DGKB: variants seen among roughly 807,000 people sequenced by gnomAD.
DGKB encodes 90 kDa diacylglycerol kinase.
Under a neutral mutation model 114.3 loss-of-function variants are expected in DGKB, and 67 were observed. The observed-to-expected ratio is 0.59, with a 90% CI of 0.48 to 0.72. The LOEUF (loss-of-function observed/expected upper bound fraction) is 0.72, where lower values mean the gene tolerates loss of function less well. DGKB is among the 30% of genes least tolerant of loss of function. The pLI, the probability that DGKB is intolerant of heterozygous loss-of-function variation, is 0.00. For synonymous variants in DGKB, 398 were observed against 323.1 expected (o/e 1.23, Z -2.49); for missense variants, 907 against 975.2 (o/e 0.93, Z 0.93).
At chr7:14,315,229 G>A (rs374109006) in intron 23 of DGKB, among the ~76,000 whole-genome samples, 4 of 148,500 alleles carry the variant, frequency 2.7e-5, no homozygotes, top group Admixed American at 6.8e-5. Context: ...ATCAACTAAC[G>A]AGCAAAATCA....
At position 14,718,220 on chromosome 7, in the gene DGKB, T is replaced by C. The variant is rs138749926; in HGVS notation, c.466+322A>G. 6.1e-4 allele frequency among the ~76,000 whole-genome samples: 93 copies of C among 152,256 alleles called. No individual in the cohort carries two copies. The East Asian group carries it at 0.017, about 28-fold the overall frequency. ...GGTTTCTTCACACACTAGAAATACA[T>C]GCTTTATGAAAACAACACAAAGGCT... On this transcript the variant is annotated intron_variant, in intron 6 of 25. Coordinates refer to ENST00000402815, the MANE Select transcript of DGKB (RefSeq NM_001350709.2).
chr7:14,628,634 T>A (rs1187697735), intron 14 of DGKB, among the ~76,000 whole-genome samples: 1 of 152,204 alleles, frequency 6.6e-6, no homozygotes, highest in Non-Finnish European at 1.5e-5. Context: ...TCTTTCTATA[T>A]GTTCTCCCAC....
intron 21 of DGKB, among the ~76,000 whole-genome samples, chr7:14,405,585 T>C (rs1363662017): frequency 6.6e-6 from 1 of 152,028 alleles, no homozygotes; most frequent in Non-Finnish European, 1.5e-5. Context: ...TTCTAGGTGT[T>C]GAGGATGCAG....
intron 23 of DGKB, among the ~76,000 whole-genome samples, chr7:14,283,100 A>G (rs534710973): frequency 9.2e-5 from 14 of 151,876 alleles, no homozygotes; most frequent in African/African-American, 3.4e-4. Flanking sequence ...ACATGATTAT[A>G]TATCTAGAAA....
Position 14,452,007 on chromosome 7 carries a change from A to G in DGKB, c.1835+26154T>C, listed in dbSNP as rs1281729848. The stretch of plus-strand genomic sequence containing the variant: ...CTGAAGCCCATCAAGAGAATTTTTG[A>G]CTCTTTTCTGAAGTCATTCAACAAG... On this transcript the variant is annotated intron_variant, in intron 21 of 25. Transcript: ENST00000402815. Among the ~76,000 whole-genome samples the G allele has an allele frequency of 2.0e-5, 3 of 151,854 alleles. No homozygotes were observed. In the East Asian group the frequency reaches 5.8e-4, roughly 29 times the overall value.
chr7:14,737,807 C>T (rs1344756201), intron 4 of DGKB, among the ~76,000 whole-genome samples: 2 of 150,306 alleles, frequency 1.3e-5, no homozygotes, highest in Non-Finnish European at 3.0e-5. Flanking sequence ...AGAATATTGT[C>T]AATTCTAGCC....
intron 20 of DGKB, among the ~76,000 whole-genome samples, chr7:14,511,152 G>A (rs1787923051): frequency 1.3e-5 from 2 of 152,186 alleles, no homozygotes; most frequent in South Asian, 4.1e-4. Flanking sequence ...GTCCTTTGAA[G>A]CTTTGAAGCC....
At chr7:14,720,472 T>TG (rs201154514) in intron 5 of DGKB, among the ~76,000 whole-genome samples, 3,270 of 103,616 alleles carry the variant, frequency 0.032, 60 homozygotes, top group South Asian at 0.066. Context: ...GCCCGGCTGA[T>TG]TTGTGTGTGT....
chr7:14,655,782 G>C (rs1815658883), intron 13 of DGKB, among the ~76,000 whole-genome samples: 1 of 151,596 alleles, frequency 6.6e-6, no homozygotes, highest in Non-Finnish European at 1.5e-5. Context: ...GTCAAGCACA[G>C]AAAGATCAAT....
At chr7:14,493,337 T>C (rs753994510) in intron 20 of DGKB, among the ~76,000 whole-genome samples, 2 of 152,074 alleles carry the variant, frequency 1.3e-5, no homozygotes, top group Non-Finnish European at 2.9e-5. Flanking sequence ...GGTTTTCCCT[T>C]ACATATGTAC....
intron 23 of DGKB, among the ~76,000 whole-genome samples, chr7:14,304,838 A>ACTATTT (rs1804202656): frequency 6.6e-6 from 1 of 152,134 alleles, no homozygotes; most frequent in Non-Finnish European, 1.5e-5. Context: ...TATTCTTGAT[A>ACTATTT]TTGACTATTT....
intron 5 of DGKB, among the ~76,000 whole-genome samples, chr7:14,721,023 T>G (rs989494728): frequency 2.6e-5 from 4 of 152,358 alleles, no homozygotes; most frequent in African/African-American, 9.6e-5. Context: ...GGATAAGCTA[T>G]GACCTAACTC....
intron 20 of DGKB, among the ~76,000 whole-genome samples, chr7:14,573,629 TA>T (rs1265883042): frequency 6.6e-6 from 1 of 152,098 alleles, no homozygotes; most frequent in Non-Finnish European, 1.5e-5. Context: ...AAATCACTAT[TA>T]AAATTATTCC....
chr7:14,944,306 T>G (rs1265454578), intron 1 of DGKB, among the ~76,000 whole-genome samples: 1 of 151,840 alleles, frequency 6.6e-6, no homozygotes, highest in East Asian at 1.9e-4. Context: ...CAATAGCAAG[T>G]AATAGAATTG....
At chr7:14,618,667 G>T (rs1807019187) in intron 15 of DGKB, among the ~76,000 whole-genome samples, 1 of 151,454 alleles carries the variant, frequency 6.6e-6, no homozygotes, top group African/African-American at 2.4e-5. Context: ...AGTCCCCTAG[G>T]ACTTGGGTTA....
chr7:14,769,901 C>T (rs138506756), intron 2 of DGKB, among the ~76,000 whole-genome samples: 53 of 152,112 alleles, frequency 3.5e-4, no homozygotes, highest in African/African-American at 8.0e-4. Flanking sequence ...ATAATCTCAT[C>T]GTGATATATT....
At chr7:14,706,091 C>T (rs1286931177) in intron 6 of DGKB, among the ~76,000 whole-genome samples, 4 of 145,550 alleles carry the variant, frequency 2.7e-5, no homozygotes, top group African/African-American at 5.2e-5. Flanking sequence ...CAGAGACACA[C>T]ATAGGCTCAA....
chr7:14,655,365 T>C (rs896364700), intron 13 of DGKB, among the ~76,000 whole-genome samples: 1 of 151,770 alleles, frequency 6.6e-6, no homozygotes, highest in African/African-American at 2.4e-5. Flanking sequence ...AGAATGGCTA[T>C]TATCAAAAAG....
intron 21 of DGKB, among the ~76,000 whole-genome samples, chr7:14,398,347 A>T (rs1404006838): frequency 6.6e-6 from 1 of 152,082 alleles, no homozygotes; most frequent in East Asian, 1.9e-4. Flanking sequence ...TTAGAAAAAC[A>T]GACACTTTAT....
Sources: allele counts gnomAD v4.1 joint callset (sites outside exome capture counted in the v4.1 genomes callset), GRCh38; gene constraint gnomAD v4.1.1; transcripts MANE v1.5; gene names NCBI Gene and HGNC (gene_info 2026-07-23, HGNC 2026-07-21).